Variants in ARHGEF2 observed in about 807,000 individuals in gnomAD.
The protein encoded by ARHGEF2 is Rho/Rac guanine nucleotide exchange factor 2.
ARHGEF2 carries 22 observed loss-of-function variants against 121.0 expected under a neutral mutation model. The observed-to-expected ratio is 0.18, with a 90% CI of 0.13 to 0.26. The LOEUF (loss-of-function observed/expected upper bound fraction) is 0.26. Ranked by LOEUF, ARHGEF2 falls within the 10% of genes least tolerant of loss-of-function variation. The pLI is 1.00. For synonymous variants in ARHGEF2, 487 were observed against 530.0 expected (o/e 0.92, Z 1.11); for missense variants, 907 against 1,336.0 (o/e 0.68, Z 5.01).
chr1:155,951,338 C>T lies in ARHGEF2; in HGVS notation c.2260-66G>A. On this transcript the variant is annotated intron_variant, in intron 19 of 21. Coordinates refer to ENST00000361247, the MANE Select transcript of ARHGEF2 (RefSeq NM_001162383.2). The surrounding 1 kb of genome is among the most constrained non-coding windows in gnomAD (Gnocchi z 5.1). ...TGTGCTCTTCTACCCCTCGCCTTCA[C>T]CCTCCAAGGCCCAGATCATCGCTCC... 1 of 1,560,002 alleles carries T rather than the reference C, an allele frequency of 6.4e-7. No individual in the cohort carries two copies. Among genetic ancestry groups the T allele is most frequent in the South Asian group, 1.2e-5 (1 of 85,414 alleles).
In ARHGEF2 at chr1:155,978,363, A is replaced by G; in HGVS notation, c.63+2T>C. On this transcript the variant is annotated splice_donor_variant, in intron 1 of 21. Transcript: ENST00000361247. LOFTEE classifies it high-confidence loss of function. The surrounding 1 kb of genome is among the most constrained non-coding windows in gnomAD (Gnocchi z 4.1). ...CGAAAGGAGAGGGGTTTCCGAGCCC[A>G]CCTTGCTCGCCAGCTCTCTGCTCCG... is the stretch of plus-strand genomic sequence containing the variant. 1 of 1,510,436 alleles carries G rather than the reference A, an allele frequency of 6.6e-7. No homozygotes were observed. The highest frequency in any genetic ancestry group is 1.2e-5 in the South Asian group (1 of 81,516). The allele number at this position is 1,510,436 out of a possible 1,614,324, so 93.6% of individuals were successfully genotyped here. A position where few individuals can be genotyped will look rare whatever the true frequency, so the allele number is the denominator to read the frequency against.
intron 1 of ARHGEF2, among the ~76,000 whole-genome samples, chr1:155,972,816 C>T (rs188454943): frequency 1.6e-4 from 25 of 152,090 alleles, no homozygotes; most frequent in Admixed American, 1.4e-3. Flanking sequence ...ATCCTTCCAC[C>T]TCAGCCCTCC....
chr1:155,962,536 T>C lies in ARHGEF2; in HGVS notation c.1101+57A>G. On this transcript the variant is annotated intron_variant, in intron 9 of 21. Coordinates refer to ENST00000361247, the MANE Select transcript of ARHGEF2 (RefSeq NM_001162383.2). The surrounding 1 kb of genome is among the most constrained non-coding windows in gnomAD (Gnocchi z 5.8). ...GTGCAGCTCACAGGCACTACCCCCA[T>C]GAGTTGGGGAGGGTGGGTTTGGGCC... 1 of 1,595,942 alleles carries C rather than the reference T, an allele frequency of 6.3e-7. No individual in the cohort carries two copies.
At chr1:155,963,955 G>A (rs1371073799) in intron 7 of ARHGEF2, among the ~76,000 whole-genome samples, 1 of 150,482 alleles carries the variant, frequency 6.6e-6, no homozygotes, top group Admixed American at 6.6e-5. Context: ...GACCAGCTTG[G>A]CCAACATGAT....
rs1281958067 is a variant in ARHGEF2 at position 155,951,027 on chromosome 1, C to T, written c.2505G>A (p.Leu835=). 6.2e-7 allele frequency: 1 copy of T among 1,604,740 alleles called. No homozygotes were observed. The highest frequency in any genetic ancestry group is 1.3e-5 in the African/African-American group (1 of 74,924). The part of the protein sequence containing the change: ...GEERATEAGS[L]EARLRESEQA... ...GCTCACTCTCCCGGAGCCGGGCCTCCAGGCTGCCAGCTTCGGTTGCCCGTT... is the reference window on the plus strand; with the variant it reads ...GCTCACTCTCCCGGAGCCGGGCCTCTAGGCTGCCAGCTTCGGTTGCCCGTT... The change falls in exon 20 of 22, where the codon CTG becomes CTA. Residue 835 remains leucine (L), a synonymous_variant. Coordinates refer to ENST00000361247, the MANE Select transcript of ARHGEF2 (RefSeq NM_001162383.2). The surrounding 1 kb of genome is among the most constrained non-coding windows in gnomAD (Gnocchi z 5.1).
chr1:155,962,822 C>T lies in ARHGEF2; in HGVS notation c.976-104G>A. The stretch of plus-strand genomic sequence containing the variant: ...TGCCAAACAGGCTGGCTTCCTGTTT[C>T]TCCAGCTCTCCCTGGCTCCCCTCCA... On this transcript the variant is annotated intron_variant, in intron 8 of 21. Coordinates refer to ENST00000361247, the MANE Select transcript of ARHGEF2 (RefSeq NM_001162383.2). The surrounding 1 kb of genome is among the most constrained non-coding windows in gnomAD (Gnocchi z 5.8). 1 of 1,594,894 alleles carries T rather than the reference C, an allele frequency of 6.3e-7. No individual in the cohort carries two copies. The highest frequency in any genetic ancestry group is 8.6e-7 in the Non-Finnish European group (1 of 1,168,736).
chr1:155,963,835 C>T (rs573915716), intron 7 of ARHGEF2, among the ~76,000 whole-genome samples: 13 of 151,580 alleles, frequency 8.6e-5, no homozygotes, highest in Non-Finnish European at 1.6e-4. Context: ...CCACACCTGA[C>T]TAGTTTTTTA....
Position 155,950,733 on chromosome 1 carries a change from G to A in ARHGEF2, c.2703+96C>T. On this transcript the variant is annotated intron_variant, in intron 20 of 21. Transcript: ENST00000361247. This position sits in a 1 kb window ranked among gnomAD's most constrained non-coding sequence, Gnocchi z 5.2. ...TATCCTTCAAGTCAGTTGACTGATT[G>A]CATTTGGGCTCAAATCCCCAATGGC... 1 of 1,243,382 alleles carries A rather than the reference G, an allele frequency of 8.0e-7. No homozygotes were observed. The highest frequency in any genetic ancestry group is 2.4e-5 in the East Asian group (1 of 42,500). 77.0% of individuals were successfully genotyped at this position (1,243,382 alleles called of 1,614,324 possible).
At chr1:155,958,263 C>A in intron 12 of ARHGEF2, 57 bp downstream of exon 12, 1 of 1,477,862 alleles carries the variant, frequency 6.8e-7, no homozygotes, top group Non-Finnish European at 9.4e-7. Context: ...GGCAGGAAAG[C>A]AAGAAGAGAC....
At chr1:155,972,129 A>T in intron 1 of ARHGEF2, 1 of 378,122 alleles carries the variant, frequency 2.6e-6, no homozygotes, top group South Asian at 1.9e-5. Context: ...GGAGTGGCAA[A>T]GGGAGGGAGA....
Position 155,947,950 on chromosome 1 carries a change from C to G in ARHGEF2, c.2953G>C (p.Glu985Gln). 3.2e-6 allele frequency: 5 copies of G among 1,549,950 alleles called. No individual in the cohort carries two copies. The highest frequency in any genetic ancestry group is 4.4e-6 in the Non-Finnish European group (5 of 1,145,982). Residue 985 changes from glutamate to glutamine, a missense_variant, in exon 22 of 22, where the codon GAG becomes CAG. Glu to Gln is a conservative substitution (Grantham distance 29). Transcript: ENST00000361247. ...ESRDGEAVASES is the reference protein window; with the variant it reads ...ESRDGEAVASQS ...AGGGGGGAGGGGCCCCCTTAGCTCT[C>G]GGAGGCTACAGCCTCCCCGTCGCGG...
chr1:155,958,522 C>A, intron 11 of ARHGEF2, 126 bp from the exon 12 acceptor site: 1 of 656,232 alleles, frequency 1.5e-6, no homozygotes, highest in South Asian at 1.9e-5. Flanking sequence ...CCTGGCCTCT[C>A]TTCCCTCTGG....
chr1:155,966,315 G>T, intron 4 of ARHGEF2, 101 bp downstream of exon 4: 2 of 1,156,614 alleles, frequency 1.7e-6, no homozygotes, highest in African/African-American at 1.5e-5. Context: ...AGAGGAAGGT[G>T]CTATGCCTGG....
intron 11 of ARHGEF2, among the ~76,000 whole-genome samples, chr1:155,958,850 A>G (rs1234096550): frequency 2.1e-5 from 3 of 140,940 alleles, no homozygotes; most frequent in Non-Finnish European, 4.5e-5. Context: ...AAGTGCTGGG[A>G]TTACAGATAT....
At position 155,952,600 on chromosome 1, in the gene ARHGEF2, C is replaced by T. The variant is rs542411787; in HGVS notation, c.1984+28G>A. 12 of 1,594,170 alleles carry T rather than the reference C, an allele frequency of 7.5e-6. No homozygotes were observed. In the African/African-American group the frequency reaches 1.6e-4, roughly 21 times the overall value. Reference sequence around the variant, plus strand: ...ATTCTGTGACGGTGAGTGCTTGAGCCTGGACTCTTCCCTGGGAGCTCCCTC... The same window carrying T: ...ATTCTGTGACGGTGAGTGCTTGAGCTTGGACTCTTCCCTGGGAGCTCCCTC... On this transcript the variant is annotated intron_variant, in intron 15 of 21. Transcript: ENST00000361247.
chr1:155,949,264 T>TA (rs1553234095), intron 21 of ARHGEF2, among the ~76,000 whole-genome samples: 16 of 145,950 alleles, frequency 1.1e-4, no homozygotes, highest in Admixed American at 3.5e-4. Flanking sequence ...AATAAATAAA[T>TA]AAATAAAATA....
At chr1:155,949,533 T>C (rs1364761596) in intron 21 of ARHGEF2, among the ~76,000 whole-genome samples, 1 of 149,488 alleles carries the variant, frequency 6.7e-6, no homozygotes, top group Non-Finnish European at 1.5e-5. Context: ...TAAGCGGAGA[T>C]CTCACTACTG....
chr1:155,965,631 C>G lies in ARHGEF2; in HGVS notation c.470G>C (p.Gly157Ala). The part of the protein sequence containing the change: ...AKSVSTTNIA[G>A]HFNDESPLGL... ...CCCCTTTCCCCAAACAGAGGCTCAC[C>G]CAGCAATGTTGGTGGTAGAAACACT... Residue 157 changes from glycine (G) to alanine (A), a missense_variant and splice_region_variant, in exon 5 of 22, where the codon GGA (glycine) becomes GCA (alanine). Physicochemically the swap from Gly to Ala is moderately conservative, Grantham distance 60. Around this residue, in one of 2 missense-constraint regions of ARHGEF2, gnomAD observed 475 missense variants for 776.5 expected, o/e 0.61. Coordinates refer to ENST00000361247, the MANE Select transcript of ARHGEF2 (RefSeq NM_001162383.2). The surrounding 1 kb of genome is among the most constrained non-coding windows in gnomAD (Gnocchi z 6.0). 6.2e-7 allele frequency: 1 copy of G among 1,612,912 alleles called. No individual in the cohort carries two copies. The highest frequency in any genetic ancestry group is 8.5e-7 in the Non-Finnish European group (1 of 1,179,910).
upstream of ARHGEF2, chr1:155,978,633 G>A (rs542138395): frequency 2.2e-5 from 27 of 1,232,944 alleles, no homozygotes; most frequent in African/African-American, 3.4e-4. The surrounding 1 kb of genome is among the most constrained non-coding windows in gnomAD (Gnocchi z 4.1). Context: ...GGAGCGGAGG[G>A]AGGGCGGGGT....
Sources: allele counts gnomAD v4.1 joint callset (sites outside exome capture counted in the v4.1 genomes callset), GRCh38; gene constraint gnomAD v4.1.1; regional missense constraint gnomAD v4.1.1; non-coding constraint Gnocchi (gnomAD v3.1); transcripts MANE v1.5; gene names NCBI Gene and HGNC (gene_info 2026-07-23, HGNC 2026-07-21).